WDR44: variants seen among roughly 807,000 people sequenced by gnomAD.
WDR44 encodes the protein WD repeat-containing protein 44.
In WDR44, 9 loss-of-function variants were observed where a neutral mutation model predicts 65.7. That is an observed-to-expected ratio of 0.14 (90% CI 0.08 to 0.24). The LOEUF is 0.24. WDR44 is among the 10% of genes least tolerant of loss of function. The probability of loss-of-function intolerance (pLI) is 1.00; values close to 1 mark genes in which losing one functional copy is unlikely to be tolerated. For missense variants in WDR44, 425 were observed against 670.9 expected, an observed-to-expected ratio of 0.63 and a Z score of 4.05; for synonymous variants, 220 against 235.2, an observed-to-expected ratio of 0.94 and a Z score of 0.59.
At chrX:118,387,181 CAA>C (rs61229618) in intron 2 of WDR44, among the ~76,000 whole-genome samples, 157 bp from the exon 3 acceptor site, 600 of 38,306 alleles carry the variant, frequency 0.016, 3 homozygotes, top group African/African-American at 0.047. Flanking sequence ...AACTCTGTCT[CAA>C]AAAAAAAAAA....
At chrX:118,412,577 T>C (rs1274146035) in intron 12 of WDR44, among the ~76,000 whole-genome samples, 1 of 111,435 alleles carries the variant, frequency 9.0e-6, no homozygotes, top group African/African-American at 3.3e-5. Context: ...AATTGAGAGA[T>C]GTAAAATAAG....
intron 12 of WDR44, among the ~76,000 whole-genome samples, chrX:118,415,768 T>G (rs1476410470): frequency 8.9e-6 from 1 of 112,254 alleles, no homozygotes; most frequent in Admixed American, 9.4e-5. Context: ...CCTCCCAAAG[T>G]GCTGGGATTA....
At chrX:118,360,451 T>C (rs1049391497) in intron 1 of WDR44, among the ~76,000 whole-genome samples, 1 of 112,035 alleles carries the variant, frequency 8.9e-6, no homozygotes, top group African/African-American at 3.2e-5. Flanking sequence ...CTGGCCTCAG[T>C]GGGCCCAAGA....
chrX:118,349,953 ATTTTTT>A (rs11300990), intron 1 of WDR44, among the ~76,000 whole-genome samples: 1 of 99,515 alleles, frequency 1.0e-5, no homozygotes, highest in East Asian at 3.2e-4. Context: ...CTAGTCCAGT[ATTTTTT>A]TTTTTTTTTC....
intron 13 of WDR44, among the ~76,000 whole-genome samples, chrX:118,434,637 C>G (rs937309134): frequency 1.8e-5 from 2 of 111,409 alleles, no homozygotes; most frequent in Non-Finnish European, 3.8e-5. Flanking sequence ...AGGTGCTGCC[C>G]CATGCAGGAA....
Position 118,379,701 on chromosome X carries a change from T to C in WDR44, c.111+1249T>C, listed in dbSNP as rs192927502. Among the ~76,000 whole-genome samples, 491 of 111,785 alleles carry C rather than the reference T, an allele frequency of 4.4e-3. 2 individuals carry two copies. Among genetic ancestry groups the C allele is most frequent in the Non-Finnish European group, 6.1e-3 (326 of 53,155 alleles). On this transcript the variant is annotated intron_variant, in intron 2 of 19. Coordinates refer to ENST00000254029, the MANE Select transcript of WDR44 (RefSeq NM_019045.5). Reference sequence around the variant, plus strand: ...AAATGGAGAAGGATACACAAGAGACTTGAAAACTGATAATAATGTTCTTTT... The same window carrying C: ...AAATGGAGAAGGATACACAAGAGACCTGAAAACTGATAATAATGTTCTTTT...
chrX:118,379,800 A>G (rs1369772274), intron 2 of WDR44, among the ~76,000 whole-genome samples: 1 of 111,894 alleles, frequency 8.9e-6, no homozygotes, highest in African/African-American at 3.2e-5. Flanking sequence ...TATTTACTTA[A>G]TATTTAATAA....
At chrX:118,380,320 A>G (rs772715855) in intron 2 of WDR44, among the ~76,000 whole-genome samples, 1 of 111,436 alleles carries the variant, frequency 9.0e-6, no homozygotes, top group Non-Finnish European at 1.9e-5. Flanking sequence ...TAACCACCAC[A>G]ATGAAGATGC....
At chrX:118,361,741 G>T (rs1181815402) in intron 1 of WDR44, among the ~76,000 whole-genome samples, 1 of 111,613 alleles carries the variant, frequency 9.0e-6, no homozygotes, top group African/African-American at 3.3e-5. Flanking sequence ...CTGGGAAACA[G>T]AGACCTTGTC....
At chrX:118,448,576 C>G (rs780252829) in intron 19 of WDR44, among the ~76,000 whole-genome samples, 1 of 111,829 alleles carries the variant, frequency 8.9e-6, no homozygotes, top group South Asian at 3.7e-4. Context: ...AGCTTCTTGC[C>G]ATGCAATGAA....
At chrX:118,393,686 A>T (rs1350271513) in intron 4 of WDR44, among the ~76,000 whole-genome samples, 1 of 111,796 alleles carries the variant, frequency 8.9e-6, no homozygotes, top group African/African-American at 3.2e-5. Context: ...TTATTAAAAA[A>T]CTCACTGGCA....
intron 12 of WDR44, among the ~76,000 whole-genome samples, chrX:118,424,047 G>C (rs1382868469): frequency 9.1e-6 from 1 of 109,960 alleles, no homozygotes; most frequent in African/African-American, 3.3e-5. Flanking sequence ...TGTGAATAAT[G>C]CTGCAGTGAA....
At chrX:118,414,676 C>T (rs774755496) in intron 12 of WDR44, among the ~76,000 whole-genome samples, 12 of 111,445 alleles carry the variant, frequency 1.1e-4, no homozygotes, top group African/African-American at 2.6e-4. Flanking sequence ...TTTGATTCTT[C>T]GCTTGGTTGC....
In WDR44 at chrX:118,428,867, C is replaced by T. The variant is rs749132243; in HGVS notation, c.1738-3914C>T. On this transcript the variant is annotated intron_variant, in intron 12 of 19. Coordinates refer to ENST00000254029, the MANE Select transcript of WDR44 (RefSeq NM_019045.5). ...TACATATATACCATGGAATACTATG[C>T]AGCCATACAAAGGAATGAGAGCATG... Among the ~76,000 whole-genome samples the T allele has an allele frequency of 3.6e-5, 4 of 112,340 alleles. No individual in the cohort carries two copies. In the South Asian group the frequency reaches 1.1e-3, roughly 31 times the overall value.
At chrX:118,443,753 G>A (rs768017809) in intron 18 of WDR44, 66 bp downstream of exon 18, 5 of 1,078,291 alleles carry the variant, frequency 4.6e-6, no homozygotes, top group Non-Finnish European at 6.2e-6. Flanking sequence ...TATACTAGAA[G>A]TAAATTCATG....
rs746792525 is a variant in WDR44, at chrX:118,392,640, A to G, written c.195A>G (p.Glu65=). Residue 65 remains glutamate (E), a synonymous_variant, in exon 4 of 20, where the codon GAA becomes GAG. Coordinates refer to ENST00000254029, the MANE Select transcript of WDR44 (RefSeq NM_019045.5). The part of the protein sequence containing the change: ...LKQDVSKKII[E]SIIEESQKVL... ...TTTAACCCTTTCATCAGATTATTGAAAGTATTATTGAGGAGAGTCAGAAAG... is the reference window on the plus strand; with the variant it reads ...TTTAACCCTTTCATCAGATTATTGAGAGTATTATTGAGGAGAGTCAGAAAG... The G allele has an allele frequency of 8.4e-7, 1 of 1,186,581 alleles. No individual in the cohort carries two copies. Among genetic ancestry groups the G allele is most frequent in the South Asian group, 1.9e-5 (1 of 53,653 alleles).
intron 12 of WDR44, among the ~76,000 whole-genome samples, chrX:118,416,496 A>G (rs1419882818): frequency 8.9e-6 from 1 of 111,801 alleles, no homozygotes; most frequent in East Asian, 2.8e-4. Context: ...CACGGTTTCG[A>G]AGGTTCCTTT....
chrX:118,349,953 A>ATT (rs11300990), intron 1 of WDR44, among the ~76,000 whole-genome samples: 3 of 99,514 alleles, frequency 3.0e-5, no homozygotes, highest in South Asian at 4.5e-4. Flanking sequence ...CTAGTCCAGT[A>ATT]TTTTTTTTTT....
chrX:118,417,972 A>G (rs1183637688), intron 12 of WDR44, among the ~76,000 whole-genome samples: 1 of 111,312 alleles, frequency 9.0e-6, no homozygotes, highest in Non-Finnish European at 1.9e-5. Context: ...GTTCAATTCT[A>G]TTGCTGAGAC....
Sources: allele counts gnomAD v4.1 joint callset (sites outside exome capture counted in the v4.1 genomes callset), GRCh38; gene constraint gnomAD v4.1.1; transcripts MANE v1.5; gene names NCBI Gene and HGNC (gene_info 2026-07-23, HGNC 2026-07-21).